Variants in MAP7 observed in about 807,000 individuals in gnomAD.
MAP7 encodes the protein microtubule associated protein 7, also known as ensconsin.
Under a neutral mutation model 94.8 loss-of-function variants are expected in MAP7, and 52 were observed. The ratio of observed to expected loss-of-function variants is 0.55; its 90% CI spans 0.44 to 0.69. The LOEUF (loss-of-function observed/expected upper bound fraction) is 0.69, where lower values mean the gene tolerates loss of function less well. Ranked by LOEUF, MAP7 falls within the 30% of genes least tolerant of loss-of-function variation. MAP7 has a pLI of 0.00. For missense variants in MAP7, 940 were observed against 964.6 expected (o/e 0.97, Z 0.34); for synonymous variants, 350 against 357.0 (o/e 0.98, Z 0.22).
At chr6:136,460,151 C>T (rs771651149) in intron 1 of MAP7, among the ~76,000 whole-genome samples, 11 of 152,104 alleles carry the variant, frequency 7.2e-5, no homozygotes, top group Non-Finnish European at 1.3e-4. Context: ...TGTAAAAAAG[C>T]AAAAGCAGTA....
intron 3 of MAP7, among the ~76,000 whole-genome samples, chr6:136,400,630 G>C (rs1783805279): frequency 6.6e-6 from 1 of 152,086 alleles, no homozygotes; most frequent in South Asian, 2.1e-4. Context: ...TAATAACTGT[G>C]GGACTATTGC....
intron 1 of MAP7, among the ~76,000 whole-genome samples, chr6:136,481,660 C>T (rs925688669): frequency 2.0e-5 from 3 of 151,944 alleles, no homozygotes; most frequent in South Asian, 2.1e-4. Flanking sequence ...GGATGGTTAA[C>T]GGTACAGAAA....
intron 3 of MAP7, among the ~76,000 whole-genome samples, chr6:136,398,333 T>C (rs1172213029): frequency 6.6e-6 from 1 of 152,240 alleles, no homozygotes; most frequent in Non-Finnish European, 1.5e-5. Context: ...GCTTTGTGGC[T>C]CACAGTAACA....
chr6:136,348,020 C>T (rs994168998), intron 16 of MAP7, among the ~76,000 whole-genome samples: 23 of 147,042 alleles, frequency 1.6e-4, no homozygotes, highest in Non-Finnish European at 3.0e-4. Context: ...TGCCCCCCCC[C>T]CCAAGTCACG....
chr6:136,364,927 C>T (rs944758708), intron 10 of MAP7: 29 of 152,304 alleles, frequency 1.9e-4, no homozygotes, highest in African/African-American at 7.0e-4. Flanking sequence ...CCCAAGAATC[C>T]ATGTGATATG....
chr6:136,466,640 T>C (rs1807203107), intron 1 of MAP7: 3 of 882,184 alleles, frequency 3.4e-6, no homozygotes, highest in Non-Finnish European at 4.9e-6. Flanking sequence ...ATTAGAAGAT[T>C]TCCTACTCTG....
At chr6:136,499,481 T>G (rs1376698093) in intron 1 of MAP7, among the ~76,000 whole-genome samples, 1 of 152,112 alleles carries the variant, frequency 6.6e-6, no homozygotes, top group African/African-American at 2.4e-5. Flanking sequence ...GTTACACAGC[T>G]GATGACAGTA....
chr6:136,550,029 G>A lies in MAP7; in HGVS notation c.67+313C>T, dbSNP rs1426515993. Among the ~76,000 whole-genome samples the A allele has an allele frequency of 1.3e-5, 2 of 152,046 alleles. No individual in the cohort carries two copies. Among genetic ancestry groups the A allele is most frequent in the African/African-American group, 2.4e-5 (1 of 41,428 alleles). ...ATTAGACCCGAGGCCGCGGCGGGGAGGGCAGCGGCCGGGGTCTCTCCGTTT... is the reference window on the plus strand; with the variant it reads ...ATTAGACCCGAGGCCGCGGCGGGGAAGGCAGCGGCCGGGGTCTCTCCGTTT... On this transcript the variant is annotated intron_variant, in intron 1 of 17. Transcript: ENST00000354570. This position sits in a 1 kb window ranked among gnomAD's most constrained non-coding sequence, Gnocchi z 5.1.
In MAP7 at chr6:136,477,520, C is replaced by T. The variant is rs113161653; in HGVS notation, c.68-55721G>A. ...AAAAGAGGAGTAACTAAACTTATATCGGACAAAAACAGACTTCAAGGCAAA... is the reference window on the plus strand; with the variant it reads ...AAAAGAGGAGTAACTAAACTTATATTGGACAAAAACAGACTTCAAGGCAAA... On this transcript the variant is annotated intron_variant, in intron 1 of 17. Transcript: ENST00000354570. 3.2e-4 allele frequency among the ~76,000 whole-genome samples: 48 copies of T among 152,158 alleles called. 1 individual carries two copies. The highest frequency in any genetic ancestry group is 1.1e-3 in the African/African-American group (46 of 41,508).
At chr6:136,420,625 G>A (rs1791000142) in intron 2 of MAP7, among the ~76,000 whole-genome samples, 1 of 152,116 alleles carries the variant, frequency 6.6e-6, no homozygotes, top group Non-Finnish European at 1.5e-5. Flanking sequence ...TAGATGGATG[G>A]ATAAATGACT....
chr6:136,482,901 C>T (rs1206795760), intron 1 of MAP7, among the ~76,000 whole-genome samples: 1 of 152,014 alleles, frequency 6.6e-6, no homozygotes, highest in East Asian at 1.9e-4. Context: ...AATATATATT[C>T]CATTTTGCTG....
intron 1 of MAP7, among the ~76,000 whole-genome samples, chr6:136,429,090 A>T (rs1794140734): frequency 6.6e-6 from 1 of 152,178 alleles, no homozygotes; most frequent in Non-Finnish European, 1.5e-5. Context: ...TCCTTCATCA[A>T]GCATTTGTTC....
chr6:136,486,643 C>A (rs1814847250), intron 1 of MAP7, among the ~76,000 whole-genome samples: 1 of 152,128 alleles, frequency 6.6e-6, no homozygotes, highest in East Asian at 1.9e-4. Context: ...CTTAATCCTG[C>A]CCTAGCTTTG....
chr6:136,360,616 G>A, intron 13 of MAP7, 81 bp downstream of exon 13: 2 of 1,237,706 alleles, frequency 1.6e-6, no homozygotes, highest in East Asian at 2.3e-5. Flanking sequence ...TAGAACACGC[G>A]TTTTCTGACG....
chr6:136,428,669 A>G (rs1213286111), intron 1 of MAP7, among the ~76,000 whole-genome samples: 1 of 152,236 alleles, frequency 6.6e-6, no homozygotes, highest in Non-Finnish European at 1.5e-5. Flanking sequence ...CCTAAGGGAT[A>G]GGACTGGGCC....
intron 1 of MAP7, among the ~76,000 whole-genome samples, chr6:136,549,646 T>C (rs1829983719): frequency 6.6e-6 from 1 of 152,160 alleles, no homozygotes; most frequent in Admixed American, 6.5e-5. Context: ...CAATCCTCCT[T>C]TGGGCTCCTG....
intron 7 of MAP7, among the ~76,000 whole-genome samples, chr6:136,375,011 A>C (rs548532871): frequency 1.9e-4 from 29 of 152,278 alleles, no homozygotes; most frequent in African/African-American, 6.5e-4. Flanking sequence ...GTCTTTAAGA[A>C]AGTCTCCCAC....
At chr6:136,520,076 A>C (rs1825945589) in intron 1 of MAP7, among the ~76,000 whole-genome samples, 1 of 151,544 alleles carries the variant, frequency 6.6e-6, no homozygotes, top group African/African-American at 2.4e-5. Context: ...GGTGGTATGC[A>C]CCTCTAGTTG....
chr6:136,442,916 T>C (rs1462081356), intron 1 of MAP7, among the ~76,000 whole-genome samples: 5 of 152,158 alleles, frequency 3.3e-5, no homozygotes, highest in Non-Finnish European at 5.9e-5. Flanking sequence ...TCAGGCTGAA[T>C]CCCTTCTTAG....
Sources: gnomAD v4.1 joint callset for allele counts (sites outside exome capture counted in the v4.1 genomes callset) on GRCh38, gnomAD v4.1.1 for gene constraint, Gnocchi (gnomAD v3.1) non-coding constraint, MANE v1.5 for transcripts, NCBI Gene and HGNC (gene_info 2026-07-23, HGNC 2026-07-21) for gene names.